The following SSBP3 variants were observed in gnomAD, a reference collection of about 807,000 sequenced individuals.
SSBP3 encodes single stranded DNA binding protein 3.
In SSBP3, 5 loss-of-function variants were observed where a neutral mutation model predicts 69.6. That is an observed-to-expected ratio of 0.07 (90% CI 0.04 to 0.15). SSBP3 has a LOEUF of 0.15. Among genes scored for constraint, SSBP3 ranks in the 10% least tolerant of loss-of-function variants. The probability of loss-of-function intolerance (pLI) is 1.00; values close to 1 mark genes in which losing one functional copy is unlikely to be tolerated. For synonymous variants in SSBP3, 196 were observed against 193.4 expected (o/e 1.01, Z -0.11); for missense variants, 312 against 534.0 (o/e 0.58, Z 4.10).
At chr1:54,346,287 T>C (rs1361693978) in intron 4 of SSBP3, among the ~76,000 whole-genome samples, 1 of 150,766 alleles carries the variant, frequency 6.6e-6, no homozygotes, top group East Asian at 2.0e-4. Flanking sequence ...ATCGGGCCAC[T>C]GCACTCCAGC....
In SSBP3 at chr1:54,254,670, C is replaced by A. The variant is rs1018773935; in HGVS notation, c.507+2457G>T. ...GTCACAGGAGAGAACTGAGCTAACTCGGGTGGCACAGGGCTTCTGTTAACT... is the reference window on the plus strand; with the variant it reads ...GTCACAGGAGAGAACTGAGCTAACTAGGGTGGCACAGGGCTTCTGTTAACT... On this transcript the variant is annotated intron_variant, in intron 7 of 17. Transcript: ENST00000610401. Among the ~76,000 whole-genome samples the A allele has an allele frequency of 2.6e-5, 4 of 152,282 alleles. No individual in the cohort carries two copies. The South Asian group carries it at 6.2e-4, about 24-fold the overall frequency.
intron 4 of SSBP3, among the ~76,000 whole-genome samples, chr1:54,332,197 AGG>A (rs879571723): frequency 6.6e-6 from 1 of 152,140 alleles, no homozygotes; most frequent in Admixed American, 6.5e-5. Context: ...CCAGGAGGCA[AGG>A]GGGGTGGCAA....
chr1:54,228,388 T>C, intron 16 of SSBP3, 32 bp from the exon 17 acceptor site: 3 of 1,614,118 alleles, frequency 1.9e-6, no homozygotes, highest in Non-Finnish European at 2.5e-6. Flanking sequence ...TGAGCACCTG[T>C]GTCCCCAACA....
At chr1:54,320,493 T>G (rs1472219911) in intron 4 of SSBP3, among the ~76,000 whole-genome samples, 1 of 151,836 alleles carries the variant, frequency 6.6e-6, no homozygotes, top group Non-Finnish European at 1.5e-5. Flanking sequence ...ATTTTTTTTG[T>G]ATTTTTAGTA....
At chr1:54,327,842 C>T (rs1271030014) in intron 4 of SSBP3, among the ~76,000 whole-genome samples, 1 of 152,142 alleles carries the variant, frequency 6.6e-6, no homozygotes, top group Non-Finnish European at 1.5e-5. Flanking sequence ...GGGTCCTGTC[C>T]CCTCCCCCAT....
At chr1:54,401,153 G>A (rs1302333188) in intron 4 of SSBP3, among the ~76,000 whole-genome samples, 1 of 152,162 alleles carries the variant, frequency 6.6e-6, no homozygotes, top group Non-Finnish European at 1.5e-5. Flanking sequence ...TTTTCCTGAA[G>A]GGGACTGCTA....
chr1:54,227,591 T>C lies in SSBP3; in HGVS notation c.1138-431A>G, dbSNP rs552237233. On this transcript the variant is annotated intron_variant, in intron 17 of 17. Coordinates refer to ENST00000610401, the Ensembl canonical transcript of SSBP3. The stretch of plus-strand genomic sequence containing the variant: ...AGTCTGGGATTCTTTTCTGTTTTTC[T>C]TTTTGAGACAAGGTCTCACTCTGTC... Among the ~76,000 whole-genome samples, 63 of 152,246 alleles carry C rather than the reference T, an allele frequency of 4.1e-4. No individual in the cohort carries two copies. In the South Asian group the frequency reaches 7.1e-3, roughly 17 times the overall value.
intron 4 of SSBP3, among the ~76,000 whole-genome samples, chr1:54,359,993 G>C (rs1239657313): frequency 2.0e-5 from 3 of 152,148 alleles, no homozygotes; most frequent in Non-Finnish European, 4.4e-5. Flanking sequence ...AACACCTTCA[G>C]AGTCTTGTTC....
At chr1:54,231,860 A>G (rs1329542200) in intron 14 of SSBP3, among the ~76,000 whole-genome samples, 2 of 151,748 alleles carry the variant, frequency 1.3e-5, no homozygotes, top group Non-Finnish European at 2.9e-5. Context: ...ACACCTGGCT[A>G]ATTTTGTATT....
intron 4 of SSBP3, among the ~76,000 whole-genome samples, chr1:54,296,375 T>C (rs1426385881): frequency 1.3e-5 from 2 of 152,260 alleles, no homozygotes; most frequent in Non-Finnish European, 2.9e-5. Flanking sequence ...GCTGCAAATC[T>C]GGCCTAAGGC....
intron 4 of SSBP3, among the ~76,000 whole-genome samples, chr1:54,341,656 C>A (rs1185251888): frequency 6.6e-6 from 1 of 151,710 alleles, no homozygotes; most frequent in Non-Finnish European, 1.5e-5. Flanking sequence ...TATGTTAATT[C>A]CTTTATTATG....
chr1:54,352,219 G>A (rs1257789004), intron 4 of SSBP3, among the ~76,000 whole-genome samples: 6 of 133,792 alleles, frequency 4.5e-5, no homozygotes, highest in African/African-American at 1.4e-4. Flanking sequence ...GGCTAGACAC[G>A]GCTCAGGGTA....
At position 54,276,608 on chromosome 1, in the gene SSBP3, C is replaced by CAAAAAA. The variant is rs746933473; in HGVS notation, c.366+4824_366+4829dup. ...TGGGTGACAGAGTGAGACTCTGTCT[C>CAAAAAA]AAAAAAAAAAAAAAAAAAAAAAAAA... is the stretch of plus-strand genomic sequence containing the variant. On this transcript the variant is annotated intron_variant, in intron 5 of 17. Transcript: ENST00000610401. 1.1e-3 allele frequency among the ~76,000 whole-genome samples: 38 copies of CAAAAAA among 35,208 alleles called. 2 individuals are homozygous for CAAAAAA. Among genetic ancestry groups the CAAAAAA allele is most frequent in the African/African-American group, 2.5e-3 (17 of 6,690 alleles). The allele number at this position is 35,208 out of a possible 152,430, so 23.1% of individuals were successfully genotyped here.
At chr1:54,366,632 G>C (rs970770488) in intron 4 of SSBP3, among the ~76,000 whole-genome samples, 11 of 152,180 alleles carry the variant, frequency 7.2e-5, no homozygotes, top group African/African-American at 2.7e-4. Context: ...CTGGTACCAG[G>C]ATGCACAGGA....
In SSBP3 at chr1:54,251,606, C is replaced by T. The variant is rs778082200; in HGVS notation, c.651+10G>A. On this transcript the variant is annotated intron_variant, in intron 9 of 17. Transcript: ENST00000610401. ...CCAGGGAGACGGACGGACAGACAGGCGGTGGTTACCTGTGGGCCGGGACCC... is the reference window on the plus strand; with the variant it reads ...CCAGGGAGACGGACGGACAGACAGGTGGTGGTTACCTGTGGGCCGGGACCC... The T allele has an allele frequency of 2.3e-5, 35 of 1,551,070 alleles. No individual in the cohort carries two copies. Among genetic ancestry groups the T allele is most frequent in the Admixed American group, 7.9e-5 (4 of 50,950 alleles).
At chr1:54,264,573 C>T (rs926185586) in intron 5 of SSBP3, among the ~76,000 whole-genome samples, 1 of 152,154 alleles carries the variant, frequency 6.6e-6, no homozygotes, top group African/African-American at 2.4e-5. Context: ...GGCACTGGTC[C>T]CAAAACCCAA....
At chr1:54,256,736 C>T (rs556698982) in intron 7 of SSBP3, among the ~76,000 whole-genome samples, 1 of 152,210 alleles carries the variant, frequency 6.6e-6, no homozygotes, top group South Asian at 2.1e-4. Flanking sequence ...CAAAAGCTTC[C>T]AGGAAAAAAT....
intron 5 of SSBP3, among the ~76,000 whole-genome samples, chr1:54,269,396 C>T (rs1645154693): frequency 6.6e-6 from 1 of 152,192 alleles, no homozygotes; most frequent in Non-Finnish European, 1.5e-5. Flanking sequence ...TATATCCACG[C>T]TCTCTAACAC....
chr1:54,384,105 C>CCAAAAAAAA (rs1647893582), intron 4 of SSBP3, among the ~76,000 whole-genome samples: 1 of 94,138 alleles, frequency 1.1e-5, no homozygotes, highest in Non-Finnish European at 2.1e-5. Context: ...GACTCCATCT[C>CCAAAAAAAA]AAAAAAAAAA....
Sources: allele counts gnomAD v4.1 joint callset (sites outside exome capture counted in the v4.1 genomes callset), GRCh38; gene constraint gnomAD v4.1.1; transcripts MANE v1.5; gene names NCBI Gene and HGNC (gene_info 2026-07-23, HGNC 2026-07-21).